FBN1: variants seen among roughly 807,000 people sequenced by gnomAD.
FBN1 encodes fibrillin 1.
A neutral mutation model predicts 365.1 loss-of-function variants in FBN1; 29 were observed. The observed-to-expected ratio is 0.08, with a 90% CI of 0.06 to 0.11. The LOEUF is 0.11. Ranked by LOEUF, FBN1 falls within the 10% of genes least tolerant of loss-of-function variation. The pLI is 1.00. For synonymous variants in FBN1, 1,210 were observed against 1,270.5 expected (o/e 0.95, Z 1.01); for missense variants, 2,476 against 3,703.2 (o/e 0.67, Z 8.60).
At chr15:48,574,342 A>C (rs2044328731) in intron 6 of FBN1, among the ~76,000 whole-genome samples, 1 of 152,226 alleles carries the variant, frequency 6.6e-6, no homozygotes, top group Non-Finnish European at 1.5e-5. Context: ...AGAATGTCAA[A>C]TGGAAGGAGC....
At chr15:48,631,302 G>C (rs1270723337) in intron 2 of FBN1, among the ~76,000 whole-genome samples, 1 of 152,226 alleles carries the variant, frequency 6.6e-6, no homozygotes, top group South Asian at 2.1e-4. Context: ...CAAAGGAAGG[G>C]AACGCTCAAC....
intron 9 of FBN1, 36 bp from the exon 10 acceptor site, chr15:48,520,853 G>A (rs539692511): frequency 3.1e-5 from 50 of 1,611,558 alleles, no homozygotes; most frequent in South Asian, 2.4e-4. Context: ...CACACACATC[G>A]CTGAGATAAT....
Position 48,495,272 on chromosome 15 carries a change from G to A in FBN1, c.2540-12C>T. 3 of 1,613,374 alleles carry A rather than the reference G, an allele frequency of 1.9e-6. No individual in the cohort carries two copies. Among genetic ancestry groups the A allele is most frequent in the Non-Finnish European group, 2.5e-6 (3 of 1,179,796 alleles). On this transcript the variant is annotated splice_polypyrimidine_tract_variant and intron_variant, in intron 21 of 65. Transcript: ENST00000316623. ...GCCCTTGATGGTTTCTGCAGAGGAG[G>A]GAATAATATTTAATAGAATCTATAT... is the stretch of plus-strand genomic sequence containing the variant.
chr15:48,454,310 G>GA (rs1157174658), intron 44 of FBN1, among the ~76,000 whole-genome samples: 2 of 152,116 alleles, frequency 1.3e-5, no homozygotes, highest in Non-Finnish European at 2.9e-5. Flanking sequence ...ATCAAATCAA[G>GA]AAAACCTAAC....
chr15:48,568,049 G>GAAAGAAAGAAAGAAGA (rs369157930), intron 6 of FBN1, among the ~76,000 whole-genome samples: 439 of 39,966 alleles, frequency 0.011, 7 homozygotes, highest in South Asian at 0.023. Context: ...AAGAAAGAAA[G>GAAAGAAAGAAAGAAGA]AAGAAAGAAA....
intron 2 of FBN1, among the ~76,000 whole-genome samples, chr15:48,621,039 A>G (rs1157176375): frequency 1.3e-5 from 2 of 152,272 alleles, no homozygotes; most frequent in Admixed American, 6.5e-5. Flanking sequence ...TGGAGCAACA[A>G]AATAACAAAA....
intron 63 of FBN1, among the ~76,000 whole-genome samples, 166 bp from the exon 64 acceptor site, chr15:48,415,933 C>T (rs193127238): frequency 2.6e-5 from 4 of 152,182 alleles, no homozygotes; most frequent in East Asian, 1.9e-4. Context: ...GAGAAAGATG[C>T]GGGCATGGAT....
In FBN1 at chr15:48,470,857, C is replaced by T. The variant is rs2043368597; in HGVS notation, c.4337-101G>A. ...AACTAATGTAAATACTAAGAAAATG[C>T]AGAGTATCTAACACCAATCTGGGCA... On this transcript the variant is annotated intron_variant, in intron 35 of 65. Transcript: ENST00000316623. 9.0e-6 allele frequency: 12 copies of T among 1,338,506 alleles called. No homozygotes were observed. The Admixed American group carries it at 1.4e-4, about 15-fold the overall frequency. The allele number at this position is 1,338,506 out of a possible 1,614,324, so 82.9% of individuals were successfully genotyped here.
chr15:48,559,564 C>T (rs925124598), intron 6 of FBN1, among the ~76,000 whole-genome samples: 2 of 152,192 alleles, frequency 1.3e-5, no homozygotes, highest in African/African-American at 4.8e-5. Context: ...CCAACCCAGC[C>T]AGGCTACTTA....
chr15:48,530,622 G>C (rs2043962367), intron 8 of FBN1, among the ~76,000 whole-genome samples: 1 of 151,840 alleles, frequency 6.6e-6, no homozygotes, highest in Non-Finnish European at 1.5e-5. Flanking sequence ...TGAAAGTCTA[G>C]GGCCTGCAAA....
At chr15:48,448,744 AAAT>A (rs1389130655) in intron 46 of FBN1, 21 bp downstream of exon 46, 4 of 1,608,168 alleles carry the variant, frequency 2.5e-6, no homozygotes, top group Admixed American at 1.7e-5. Context: ...CATATGAAAA[AAAT>A]AATAATAATT....
chr15:48,518,344 C>G (rs2141333479), intron 10 of FBN1, among the ~76,000 whole-genome samples: 1 of 152,348 alleles, frequency 6.6e-6, no homozygotes, highest in East Asian at 1.9e-4. Context: ...AGTTCCCACT[C>G]TCAGCCTTGC....
intron 32 of FBN1, chr15:48,476,610 C>CTTTTTTTTTTTT (rs56969171): frequency 5.0e-5 from 6 of 120,008 alleles, no homozygotes; most frequent in East Asian, 2.4e-4. Flanking sequence ...CTTTTCTTTT[C>CTTTTTTTTTTTT]TTTTTTTTTT....
chr15:48,455,979 G>A lies in FBN1; in HGVS notation c.5422+658C>T, dbSNP rs540651942. On this transcript the variant is annotated intron_variant, in intron 44 of 65. Coordinates refer to ENST00000316623, the MANE Select transcript of FBN1 (RefSeq NM_000138.5). ...TAGAAAATTATTCCAACTATCCTGG[G>A]CACATGGTATATTTAATAACCAGTA... is the stretch of plus-strand genomic sequence containing the variant. 2.5e-3 allele frequency among the ~76,000 whole-genome samples: 380 copies of A among 152,178 alleles called. 1 individual carries two copies. Among genetic ancestry groups the A allele is most frequent in the African/African-American group, 8.9e-3 (371 of 41,512 alleles).
chr15:48,643,977 G>C (rs1037958262), intron 2 of FBN1: 3 of 153,064 alleles, frequency 2.0e-5, no homozygotes, highest in African/African-American at 7.2e-5. Context: ...ACTCCCTTAA[G>C]GCCGGCCACA....
At chr15:48,600,101 G>T in intron 5 of FBN1, 38 bp downstream of exon 5, 2 of 1,424,950 alleles carry the variant, frequency 1.4e-6, no homozygotes, top group Non-Finnish European at 9.9e-7. Flanking sequence ...CTACAAACAG[G>T]TTAACATCTA....
At chr15:48,601,201 C>T (rs1351784542) in intron 4 of FBN1, among the ~76,000 whole-genome samples, 1 of 152,210 alleles carries the variant, frequency 6.6e-6, no homozygotes, top group Non-Finnish European at 1.5e-5. Context: ...CTCAGAGAAG[C>T]TGGAGTAAAA....
intron 8 of FBN1, chr15:48,529,508 G>T (rs1037282892): frequency 2.0e-5 from 3 of 152,156 alleles, no homozygotes; most frequent in African/African-American, 7.3e-5. Context: ...TCTGTTCTGG[G>T]ACAGGCATCA....
intron 2 of FBN1, among the ~76,000 whole-genome samples, chr15:48,618,890 G>C (rs1402001048): frequency 2.0e-5 from 3 of 152,124 alleles, no homozygotes; most frequent in African/African-American, 7.2e-5. Flanking sequence ...AATGACTGAT[G>C]ATCTGTCACT....
Sources: gnomAD v4.1 joint callset for allele counts (sites outside exome capture counted in the v4.1 genomes callset) on GRCh38, gnomAD v4.1.1 for gene constraint, MANE v1.5 for transcripts, NCBI Gene and HGNC (gene_info 2026-07-23, HGNC 2026-07-21) for gene names.